The following PLCZ1 variants were observed in gnomAD, a reference collection of about 807,000 sequenced individuals.
The protein encoded by PLCZ1 is 1-phosphatidylinositol 4,5-bisphosphate phosphodiesterase zeta-1.
PLCZ1 carries 64 observed loss-of-function variants against 76.8 expected under a neutral mutation model. The ratio of observed to expected loss-of-function variants is 0.83; its 90% CI spans 0.68 to 1.03. PLCZ1 has a LOEUF of 1.03. Among genes scored for constraint, PLCZ1 ranks in the 50% least tolerant of loss-of-function variants. PLCZ1 has a pLI of 0.00. For missense variants in PLCZ1, 751 were observed against 713.7 expected (o/e 1.05, Z -0.60); for synonymous variants, 248 against 230.8 (o/e 1.07, Z -0.68).
the PLCZ1 span, among the ~76,000 whole-genome samples, chr12:18,653,195 G>A: frequency 1.3e-5 from 2 of 152,162 alleles, no homozygotes; most frequent in African/African-American, 4.8e-5. Flanking sequence ...AGCATTGGCA[G>A]CATGGTTTGG....
Position 18,695,093 on chromosome 12 carries a change from G to A in PLCZ1, c.1292-14C>T. 1 of 1,609,378 alleles carries A rather than the reference G, an allele frequency of 6.2e-7. No individual in the cohort carries two copies. Among genetic ancestry groups the A allele is most frequent in the Non-Finnish European group, 8.5e-7 (1 of 1,176,100 alleles). On this transcript the variant is annotated splice_polypyrimidine_tract_variant and intron_variant, in intron 11 of 14. Coordinates refer to ENST00000266505, the MANE Select transcript of PLCZ1 (RefSeq NM_033123.4). ...AATTTAAAGCCACTGTAAGAAAGAAGTATTTTGACATTGTCAGGTAATAGA... is the reference window on the plus strand; with the variant it reads ...AATTTAAAGCCACTGTAAGAAAGAAATATTTTGACATTGTCAGGTAATAGA...
chr12:18,670,790 C>A, the PLCZ1 span, among the ~76,000 whole-genome samples: 1 of 152,156 alleles, frequency 6.6e-6, no homozygotes, highest in African/African-American at 2.4e-5. Flanking sequence ...TCCAGAATAA[C>A]CAATGTTTAC....
the PLCZ1 span, among the ~76,000 whole-genome samples, chr12:18,673,687 T>C: frequency 6.6e-6 from 1 of 152,208 alleles, no homozygotes. Context: ...GGCCCTCTGA[T>C]TCACTGTCTC....
intron 13 of PLCZ1, among the ~76,000 whole-genome samples, chr12:18,684,819 GAC>G (rs1372936717): frequency 1.3e-5 from 2 of 151,974 alleles, no homozygotes; most frequent in Non-Finnish European, 2.9e-5. Context: ...TGTTTAGGAA[GAC>G]ACCTGGTAGA....
chr12:18,721,037 T>C (rs557014386), intron 4 of PLCZ1, among the ~76,000 whole-genome samples: 1 of 152,154 alleles, frequency 6.6e-6, no homozygotes, highest in African/African-American at 2.4e-5. Context: ...CCATATAAAT[T>C]TAGGAAGATA....
At chr12:18,706,891 T>C (rs1241305734) in intron 6 of PLCZ1, among the ~76,000 whole-genome samples, 1 of 152,200 alleles carries the variant, frequency 6.6e-6, no homozygotes, top group Non-Finnish European at 1.5e-5. Context: ...TTGAAATCAG[T>C]TTCACTGGTC....
chr12:18,709,447 G>C (rs1164345931), intron 6 of PLCZ1, among the ~76,000 whole-genome samples: 2 of 152,088 alleles, frequency 1.3e-5, no homozygotes, highest in Non-Finnish European at 2.9e-5. Context: ...AAATCAGAAA[G>C]TGTGATGCCT....
rs1423019067 is a variant in PLCZ1 at position 18,684,282 on chromosome 12, G to A, written c.1592-3C>T. On this transcript the variant is annotated splice_region_variant and splice_polypyrimidine_tract_variant and intron_variant, in intron 13 of 14. Transcript: ENST00000266505. The stretch of plus-strand genomic sequence containing the variant: ...TTCATTCCATCTTGGACTAAAAGCT[G>A]AAATATAAAAAAAGAAGATACAAAG... 2.5e-6 allele frequency: 4 copies of A among 1,597,918 alleles called. No homozygotes were observed. Among genetic ancestry groups the A allele is most frequent in the Non-Finnish European group, 3.4e-6 (4 of 1,168,324 alleles).
At chr12:18,670,066 T>C in the PLCZ1 span, among the ~76,000 whole-genome samples, 1 of 152,040 alleles carries the variant, frequency 6.6e-6, no homozygotes, top group African/African-American at 2.4e-5. Flanking sequence ...TACCTCCTAA[T>C]ACCACCCCAT....
intron 3 of PLCZ1, among the ~76,000 whole-genome samples, chr12:18,726,777 T>TA (rs1457828593): frequency 2.0e-5 from 3 of 152,188 alleles, no homozygotes; most frequent in Non-Finnish European, 4.4e-5. Context: ...TGGTTGTATC[T>TA]AAAATTACAC....
chr12:18,731,516 T>C (rs1959045763), intron 3 of PLCZ1, among the ~76,000 whole-genome samples: 1 of 150,256 alleles, frequency 6.7e-6, no homozygotes. Context: ...CTGTCATTTC[T>C]GTGAGTAATA....
At chr12:18,700,113 C>T (rs2064785252) in intron 9 of PLCZ1, among the ~76,000 whole-genome samples, 163 bp from the exon 10 acceptor site, 1 of 151,464 alleles carries the variant, frequency 6.6e-6, no homozygotes, top group African/African-American at 2.4e-5. Context: ...TTTTTGGGAA[C>T]AAAAAAATAT....
chr12:18,728,195 T>C (rs564939759), intron 3 of PLCZ1, among the ~76,000 whole-genome samples: 7 of 152,298 alleles, frequency 4.6e-5, no homozygotes, highest in East Asian at 1.9e-4. Flanking sequence ...TAGAAGAAAG[T>C]AGAATGATAA....
At chr12:18,665,530 T>C in the PLCZ1 span, among the ~76,000 whole-genome samples, 1 of 152,160 alleles carries the variant, frequency 6.6e-6, no homozygotes, top group African/African-American at 2.4e-5. Flanking sequence ...TGGTGGCTCC[T>C]GCCTGTAATC....
rs138153738 is a variant in PLCZ1 at position 18,728,962 on chromosome 12, T to G, written c.136-5420A>C. On this transcript the variant is annotated intron_variant, in intron 3 of 14. Transcript: ENST00000266505. The stretch of plus-strand genomic sequence containing the variant: ...TATAAGTGGCTGAGTTGATTCCAGG[T>G]AGCGGATTTGTAGGGCAGAATCAGT... Among the ~76,000 whole-genome samples, 453 of 152,132 alleles carry G rather than the reference T, an allele frequency of 3.0e-3. 5 individuals carry two copies. Among genetic ancestry groups the G allele is most frequent in the African/African-American group, 0.01 (417 of 41,542 alleles).
chr12:18,701,622 TCC>T, intron 8 of PLCZ1, 54 bp from the exon 9 acceptor site: 1 of 1,491,072 alleles, frequency 6.7e-7, no homozygotes, highest in Non-Finnish European at 9.0e-7. Flanking sequence ...CTCCTCCTCC[TCC>T]TCCTCCTCCT....
chr12:18,729,324 T>C (rs1241111320), intron 3 of PLCZ1, among the ~76,000 whole-genome samples: 1 of 152,118 alleles, frequency 6.6e-6, no homozygotes, highest in Non-Finnish European at 1.5e-5. Flanking sequence ...ACTTCCATCA[T>C]GGCATCTTCT....
chr12:18,689,363 G>C (rs564208016), intron 12 of PLCZ1, among the ~76,000 whole-genome samples: 76 of 152,238 alleles, frequency 5.0e-4, no homozygotes, highest in African/African-American at 1.8e-3. Flanking sequence ...CAACCTGCGG[G>C]CCACATGTGG....
intron 6 of PLCZ1, among the ~76,000 whole-genome samples, chr12:18,708,184 C>T (rs1296369738): frequency 6.6e-6 from 1 of 152,190 alleles, no homozygotes; most frequent in African/African-American, 2.4e-5. Context: ...CCTCCCCACA[C>T]CTCGTTCCTG....
Sources: allele counts gnomAD v4.1 joint callset (sites outside exome capture counted in the v4.1 genomes callset), GRCh38; gene constraint gnomAD v4.1.1; transcripts MANE v1.5; gene names NCBI Gene and HGNC (gene_info 2026-07-23, HGNC 2026-07-21).